FUBP3: variants seen among roughly 807,000 people sequenced by gnomAD.
FUBP3 encodes the protein far upstream element-binding protein 3.
FUBP3 carries 28 observed loss-of-function variants against 85.6 expected under a neutral mutation model. The observed-to-expected ratio is 0.33, with a 90% CI of 0.24 to 0.45. The LOEUF (loss-of-function observed/expected upper bound fraction) is 0.45. FUBP3 is among the 20% of genes least tolerant of loss of function. FUBP3 has a pLI of 1.00. For synonymous variants in FUBP3, 271 were observed against 271.4 expected, an observed-to-expected ratio of 1.00 and a Z score of 0.01; for missense variants, 583 against 755.1, an observed-to-expected ratio of 0.77 and a Z score of 2.67.
rs1473882187 is a variant in FUBP3 at position 130,605,712 on chromosome 9, G to A, written c.191-4242G>A. 2.6e-5 allele frequency among the ~76,000 whole-genome samples: 4 copies of A among 152,288 alleles called. 1 individual carries two copies. Among genetic ancestry groups the A allele is most frequent in the South Asian group, 4.1e-4 (2 of 4,828 alleles). ...AAGAGTGATGTGATTGGCTGGGCAC[G>A]GTGGCTCACACCTGTAATCCCAGCA... On this transcript the variant is annotated intron_variant, in intron 2 of 18. Coordinates refer to ENST00000319725, the MANE Select transcript of FUBP3 (RefSeq NM_003934.2).
At position 130,634,735 on chromosome 9, in the gene FUBP3, CAG is replaced by C; in HGVS notation, c.1582_1582+1del. ...SKAWEDYYKK[Q>X]SHAASAAPQA... ...GGCCTGGGAAGACTATTACAAAAAA[CAG>C]AGTGAGTGCCCGGCCCTCCTAACCT... On this transcript the variant is annotated frameshift_variant and splice_region_variant, in exon 17 of 19. Transcript: ENST00000319725. LOFTEE classifies it high-confidence loss of function. 6.2e-7 allele frequency: 1 copy of C among 1,612,686 alleles called. No individual in the cohort carries two copies. The highest frequency in any genetic ancestry group is 8.5e-7 in the Non-Finnish European group (1 of 1,178,958).
intron 6 of FUBP3, 23 bp downstream of exon 6, chr9:130,614,368 T>C (rs1300755977): frequency 6.9e-7 from 1 of 1,458,174 alleles, no homozygotes; most frequent in East Asian, 2.3e-5. Context: ...TATTTACTTT[T>C]TCTTTCACTC....
chr9:130,614,842 A>T (rs920212281), intron 6 of FUBP3, among the ~76,000 whole-genome samples: 1 of 152,100 alleles, frequency 6.6e-6, no homozygotes, highest in Admixed American at 6.5e-5. Context: ...GGATGTCTTG[A>T]CTTTTGGCGC....
intron 2 of FUBP3, among the ~76,000 whole-genome samples, chr9:130,603,890 A>C (rs1390886482): frequency 6.6e-6 from 1 of 152,214 alleles, no homozygotes; most frequent in Non-Finnish European, 1.5e-5. Context: ...CCACAACTGC[A>C]CTGTTGGGCA....
chr9:130,579,664 CGGCGGCGGGGGCGGT>C lies in FUBP3; in HGVS notation c.-16_-2del. On this transcript the variant is annotated 5_prime_UTR_variant, in exon 1 of 19. Transcript: ENST00000319725. ...TCGGCGGCGTCGGCGGCGGCGGCGA[CGGCGGCGGGGGCGGT>C]AATGGCGGAGCTGGTGCAGGGGCAG... 2.4e-6 allele frequency: 3 copies of C among 1,236,188 alleles called. No individual in the cohort carries two copies. Among genetic ancestry groups the C allele is most frequent in the Non-Finnish European group, 3.0e-6 (3 of 986,238 alleles). 76.6% of individuals were successfully genotyped at this position (1,236,188 alleles called of 1,614,324 possible). A position where few individuals can be genotyped will look rare whatever the true frequency, so the allele number is the denominator to read the frequency against.
In FUBP3 at chr9:130,579,741, G is replaced by A. The variant is rs953432114; in HGVS notation, c.61G>A (p.Asp21Asn). The A allele has an allele frequency of 1.4e-5, 18 of 1,281,362 alleles. No homozygotes were observed. Among genetic ancestry groups the A allele is most frequent in the South Asian group, 7.2e-5 (2 of 27,634 alleles). The allele number at this position is 1,281,362 out of a possible 1,614,324, so 79.4% of individuals were successfully genotyped here. A position where few individuals can be genotyped will look rare whatever the true frequency, so the allele number is the denominator to read the frequency against. Residue 21 changes from aspartate to asparagine, a missense_variant, in exon 1 of 19, where the codon GAT becomes AAT. Asp to Asn is a conservative substitution (Grantham distance 23). Transcript: ENST00000319725. ...PVGMKAEGFVDALHRVRQIAA... is the reference protein window; with the variant it reads ...PVGMKAEGFVNALHRVRQIAA... The stretch of plus-strand genomic sequence containing the variant: ...GGGGATGAAGGCCGAGGGCTTCGTG[G>A]ATGCCCTGCACCGGGTCCGGCAGGT...
At chr9:130,605,596 G>A (rs930384323) in intron 2 of FUBP3, among the ~76,000 whole-genome samples, 5 of 152,206 alleles carry the variant, frequency 3.3e-5, no homozygotes, top group African/African-American at 4.8e-5. Context: ...GGACCAAGTG[G>A]GTTCACGCAG....
At chr9:130,633,269 T>G (rs1830288415) in intron 16 of FUBP3, among the ~76,000 whole-genome samples, 1 of 152,244 alleles carries the variant, frequency 6.6e-6, no homozygotes, top group African/African-American at 2.4e-5. Flanking sequence ...ATGAAACGTT[T>G]CAAATATCTT....
chr9:130,617,665 G>C, intron 7 of FUBP3, 132 bp from the exon 8 acceptor site: 1 of 723,914 alleles, frequency 1.4e-6, no homozygotes, highest in Non-Finnish European at 2.5e-6. Flanking sequence ...TCATGGCCCA[G>C]GTTGGAAGGC....
In FUBP3 at chr9:130,611,537, C is replaced by T. The variant is rs545721439; in HGVS notation, c.225-919C>T. Reference sequence around the variant, plus strand: ...GATACAGTGGCAAGTGCTATTTATGCTATTGCATTTCTTTTAAGTGATGCA... The same window carrying T: ...GATACAGTGGCAAGTGCTATTTATGTTATTGCATTTCTTTTAAGTGATGCA... On this transcript the variant is annotated intron_variant, in intron 3 of 18. Transcript: ENST00000319725. Among the ~76,000 whole-genome samples, 11 of 152,168 alleles carry T rather than the reference C, an allele frequency of 7.2e-5. No individual in the cohort carries two copies. The South Asian group carries it at 2.3e-3, about 32-fold the overall frequency.
Position 130,630,713 on chromosome 9 carries a change from C to G in FUBP3, c.1203C>G (p.Asn401Lys). 6.3e-7 allele frequency: 1 copy of G among 1,588,894 alleles called. No homozygotes were observed. Among genetic ancestry groups the G allele is most frequent in the Non-Finnish European group, 8.6e-7 (1 of 1,169,234 alleles). ...QRNPPPNSDP[N>K]LRRFTIRGVP... ...ACCCCCCTCCCAACAGCGACCCCAA[C>G]CTGCGGAGATTCACCATCAGGGGGG... The change falls in exon 13 of 19, where the codon AAC becomes AAG. Residue 401 changes from asparagine (N) to lysine (K), a missense_variant. By Grantham distance (94) the Asn-to-Lys change is moderately conservative (BLOSUM62 0). Coordinates refer to ENST00000319725, the MANE Select transcript of FUBP3 (RefSeq NM_003934.2).
intron 12 of FUBP3, among the ~76,000 whole-genome samples, chr9:130,627,174 G>A (rs1243261727): frequency 6.6e-6 from 1 of 152,154 alleles, no homozygotes; most frequent in Admixed American, 6.5e-5. Flanking sequence ...GTTCATCTTG[G>A]CTAGCCCTGG....
At chr9:130,620,897 A>G (rs1471604795) in intron 9 of FUBP3, among the ~76,000 whole-genome samples, 1 of 152,210 alleles carries the variant, frequency 6.6e-6, no homozygotes, top group Non-Finnish European at 1.5e-5. Context: ...TAAGACAGAT[A>G]CAGAACAAAT....
At chr9:130,624,914 T>A (rs756479871) in intron 11 of FUBP3, among the ~76,000 whole-genome samples, 4 of 152,082 alleles carry the variant, frequency 2.6e-5, no homozygotes, top group Non-Finnish European at 5.9e-5. Context: ...GGTGAAACCC[T>A]GTCTCTGCTG....
chr9:130,606,809 A>T (rs1335547268), intron 2 of FUBP3, among the ~76,000 whole-genome samples: 6 of 151,566 alleles, frequency 4.0e-5, no homozygotes, highest in African/African-American at 1.5e-4. Context: ...AAGAAGAGCG[A>T]GACTCTGTCT....
At position 130,633,738 on chromosome 9, in the gene FUBP3, C is replaced by T. The variant is rs563237816; in HGVS notation, c.1511-929C>T. 1.7e-3 allele frequency among the ~76,000 whole-genome samples: 254 copies of T among 152,362 alleles called. 4 individuals carry two copies. Among genetic ancestry groups the T allele is most frequent in the Non-Finnish European group, 2.9e-4 (20 of 68,040 alleles). ...TTTGCTGCCTGTGTCCCTCTTTCGC[C>T]CTGCCCCTGTGGGAGGAAGCGGGGC... On this transcript the variant is annotated intron_variant, in intron 16 of 18. Transcript: ENST00000319725.
intron 1 of FUBP3, among the ~76,000 whole-genome samples, chr9:130,591,064 T>C (rs1386181359): frequency 6.7e-6 from 1 of 150,234 alleles, no homozygotes; most frequent in Non-Finnish European, 1.5e-5. Context: ...AGGAATAAAA[T>C]AGAGCAGGCT....
At chr9:130,591,312 G>A (rs529682907) in intron 1 of FUBP3, among the ~76,000 whole-genome samples, 11 of 152,124 alleles carry the variant, frequency 7.2e-5, no homozygotes, top group East Asian at 1.9e-4. Flanking sequence ...GCATGGTGGC[G>A]CATGCCTGTA....
Position 130,623,670 on chromosome 9 carries a change from C to T in FUBP3, c.934C>T (p.His312Tyr). The T allele has an allele frequency of 6.2e-7, 1 of 1,613,868 alleles. No individual in the cohort carries two copies. The highest frequency in any genetic ancestry group is 8.5e-7 in the Non-Finnish European group (1 of 1,179,810). ...QVMGPPDRCQ[H>Y]AAHIISELIL... ...CATGGGCCCTCCGGATCGGTGTCAG[C>T]ATGCAGCGCATATCATCAGCGAGCT... Residue 312 changes from histidine to tyrosine, a missense_variant, in exon 11 of 19, where the codon CAT becomes TAT. His to Tyr is a moderately conservative substitution (Grantham distance 83). Transcript: ENST00000319725.
Sources: gnomAD v4.1 joint callset for allele counts (sites outside exome capture counted in the v4.1 genomes callset) on GRCh38, gnomAD v4.1.1 for gene constraint, MANE v1.5 for transcripts, NCBI Gene and HGNC (gene_info 2026-07-23, HGNC 2026-07-21) for gene names.